The following KLRG1 variants were observed in gnomAD, a reference collection of about 807,000 sequenced individuals.
KLRG1 encodes killer cell lectin like receptor G1, also known as killer cell lectin-like receptor subfamily G member 1.
KLRG1 carries 16 observed loss-of-function variants against 21.8 expected under a neutral mutation model. The ratio of observed to expected loss-of-function variants is 0.73; its 90% CI spans 0.50 to 1.11. The LOEUF is 1.11. Ranked by LOEUF, KLRG1 falls within the 50% of genes most tolerant of loss-of-function variation. The pLI, the probability that KLRG1 is intolerant of heterozygous loss-of-function variation, is 0.00. For synonymous variants in KLRG1, 69 were observed against 75.9 expected, an observed-to-expected ratio of 0.91 and a Z score of 0.47; for missense variants, 173 against 218.3, an observed-to-expected ratio of 0.79 and a Z score of 1.31.
chr12:9,173,581 C>A, the KLRG1 span, among the ~76,000 whole-genome samples: 419 of 151,900 alleles, frequency 2.8e-3, 2 homozygotes, highest in Admixed American at 5.2e-3. Context: ...AGACTGCTAG[C>A]TAGACTAATA....
chr12:9,196,057 A>T, the KLRG1 span, among the ~76,000 whole-genome samples: 21 of 152,180 alleles, frequency 1.4e-4, no homozygotes, highest in African/African-American at 4.8e-4. Context: ...ACTGCATGAA[A>T]GAAGAGGTTT....
At chr12:9,141,830 A>G in the KLRG1 span, among the ~76,000 whole-genome samples, 421 of 152,300 alleles carry the variant, frequency 2.8e-3, 2 homozygotes, top group African/African-American at 9.5e-3. Flanking sequence ...AGAGCCTAGG[A>G]CCCAGACAGA....
intron 1 of KLRG1, among the ~76,000 whole-genome samples, chr12:8,963,741 A>G (rs1030165413): frequency 1.3e-5 from 2 of 152,114 alleles, no homozygotes; most frequent in Admixed American, 6.6e-5. Flanking sequence ...CAGAGATTCA[A>G]CTTCTTCCTG....
the KLRG1 span, among the ~76,000 whole-genome samples, chr12:9,132,770 A>G: frequency 6.6e-6 from 1 of 152,210 alleles, no homozygotes. Flanking sequence ...TGTTACTGCA[A>G]ATTATCACAT....
At chr12:9,061,669 A>T in the KLRG1 span, among the ~76,000 whole-genome samples, 1 of 152,140 alleles carries the variant, frequency 6.6e-6, no homozygotes, top group African/African-American at 2.4e-5. Flanking sequence ...AATAAATAAG[A>T]TGAAAAAGAA....
At chr12:8,980,966 G>T (rs1946745695) in intron 1 of KLRG1, among the ~76,000 whole-genome samples, 1 of 152,202 alleles carries the variant, frequency 6.6e-6, no homozygotes, top group Non-Finnish European at 1.5e-5. Context: ...GGGGAATGGG[G>T]TTACACAGGT....
chr12:8,977,978 C>A (rs1258868431), intron 1 of KLRG1, among the ~76,000 whole-genome samples: 1 of 152,172 alleles, frequency 6.6e-6, no homozygotes, highest in Non-Finnish European at 1.5e-5. Flanking sequence ...CCTGCCTCAG[C>A]CACCTGAGTA....
chr12:9,182,521 A>G, the KLRG1 span, among the ~76,000 whole-genome samples: 1 of 152,202 alleles, frequency 6.6e-6, no homozygotes, highest in Non-Finnish European at 1.5e-5. Flanking sequence ...TTATTTTGTC[A>G]TATATGACTT....
chr12:9,027,461 A>T, the KLRG1 span: 3 of 718,332 alleles, frequency 4.2e-6, no homozygotes, highest in Non-Finnish European at 4.8e-6. Context: ...GAGTTCACAA[A>T]TCTGTTGCCT....
chr12:9,131,688 T>C, the KLRG1 span, among the ~76,000 whole-genome samples: 1 of 152,000 alleles, frequency 6.6e-6, no homozygotes, highest in Admixed American at 6.6e-5. Flanking sequence ...ATTCAGTTAA[T>C]GATGAAAGGG....
chr12:9,101,186 C>T, the KLRG1 span: 1 of 1,561,100 alleles, frequency 6.4e-7, no homozygotes, highest in South Asian at 1.2e-5. Context: ...CCAGTTCGGA[C>T]AATGCCTCCC....
the KLRG1 span, among the ~76,000 whole-genome samples, chr12:9,159,340 G>A: frequency 6.6e-6 from 1 of 152,104 alleles, no homozygotes; most frequent in Non-Finnish European, 1.5e-5. Flanking sequence ...CACTGAATAT[G>A]TTTTCTCCTC....
chr12:9,101,744 C>T, the KLRG1 span: 17 of 1,263,766 alleles, frequency 1.3e-5, no homozygotes, highest in African/African-American at 4.5e-5. Context: ...CACAAAACTA[C>T]GTAAGTTTAC....
the KLRG1 span, chr12:9,201,416 T>G: frequency 8.9e-6 from 11 of 1,237,374 alleles, no homozygotes; most frequent in Non-Finnish European, 1.3e-5. Context: ...AGACTTGTGA[T>G]CAAACAACAA....
At chr12:9,168,758 T>C in the KLRG1 span, 2 of 786,592 alleles carry the variant, frequency 2.5e-6, no homozygotes, top group Non-Finnish European at 4.2e-6. Context: ...TGAATCTTGG[T>C]TTCTTTGTGT....
the KLRG1 span, among the ~76,000 whole-genome samples, chr12:9,171,034 A>G: frequency 2.0e-5 from 3 of 152,144 alleles, no homozygotes; most frequent in Non-Finnish European, 4.4e-5. Context: ...CCCTGATCCC[A>G]TTCCTCCTGA....
chr12:9,198,827 A>C, the KLRG1 span, among the ~76,000 whole-genome samples: 33 of 152,324 alleles, frequency 2.2e-4, no homozygotes, highest in African/African-American at 7.7e-4. Context: ...CTACGGCACT[A>C]TTAATTTGGA....
intron 2 of KLRG1, 57 bp downstream of exon 2, chr12:8,992,367 A>C: frequency 1.6e-6 from 2 of 1,224,368 alleles, no homozygotes; most frequent in Admixed American, 2.2e-5. Flanking sequence ...AAAGCAATAT[A>C]ACATAGCAGA....
At chr12:9,084,746 T>TA in the KLRG1 span, among the ~76,000 whole-genome samples, 2 of 152,020 alleles carry the variant, frequency 1.3e-5, no homozygotes, top group African/African-American at 2.4e-5. Flanking sequence ...TGAATGGATT[T>TA]AAAAAAACAG....
Sources: allele counts gnomAD v4.1 joint callset (sites outside exome capture counted in the v4.1 genomes callset), GRCh38; gene constraint gnomAD v4.1.1; transcripts MANE v1.5; gene names NCBI Gene and HGNC (gene_info 2026-07-23, HGNC 2026-07-21).